VWA8: variants seen among roughly 807,000 people sequenced by gnomAD.
VWA8 encodes the protein von Willebrand factor A domain-containing protein 8.
Under a neutral mutation model 241.5 loss-of-function variants are expected in VWA8, and 221 were observed. The observed-to-expected ratio is 0.91, with a 90% CI of 0.82 to 1.02. VWA8 has a LOEUF of 1.02. Among genes scored for constraint, VWA8 ranks in the 50% least tolerant of loss-of-function variants. VWA8 has a pLI of 0.00. For synonymous variants in VWA8, 852 were observed against 827.1 expected (o/e 1.03, Z -0.52); for missense variants, 2,322 against 2,328.7 (o/e 1.00, Z 0.06).
At chr13:41,721,629 A>C in intron 24 of VWA8, 54 bp from the exon 25 acceptor site, 4 of 1,535,024 alleles carry the variant, frequency 2.6e-6, no homozygotes, top group Non-Finnish European at 3.5e-6. Context: ...TTACGATGTC[A>C]CAGGAAAAAA....
intron 4 of VWA8, among the ~76,000 whole-genome samples, chr13:41,899,842 T>C (rs753022232): frequency 6.6e-6 from 1 of 152,196 alleles, no homozygotes; most frequent in Admixed American, 6.5e-5. Flanking sequence ...TTCTGCCCAA[T>C]AGAGGCCCAA....
chr13:41,690,744 T>G (rs1195267320), intron 32 of VWA8, among the ~76,000 whole-genome samples: 6 of 152,172 alleles, frequency 3.9e-5, no homozygotes, highest in African/African-American at 1.4e-4. Flanking sequence ...GAGATACTTC[T>G]GCTTGTCAGC....
intron 9 of VWA8, among the ~76,000 whole-genome samples, chr13:41,882,428 G>C (rs1288984338): frequency 6.6e-6 from 1 of 152,108 alleles, no homozygotes; most frequent in South Asian, 2.1e-4. Flanking sequence ...CTGCAATCTC[G>C]GCACTTTGGG....
At chr13:41,949,610 G>A (rs1177637574) in intron 2 of VWA8, among the ~76,000 whole-genome samples, 1 of 151,546 alleles carries the variant, frequency 6.6e-6, no homozygotes, top group Non-Finnish European at 1.5e-5. Context: ...TGTGTCCCAG[G>A]GCTTAAAGTA....
At chr13:41,631,994 CT>C (rs1450173876) in intron 37 of VWA8, among the ~76,000 whole-genome samples, 3 of 152,156 alleles carry the variant, frequency 2.0e-5, no homozygotes, top group African/African-American at 4.8e-5. Context: ...TCTACCCTTT[CT>C]ATTTTTGCCT....
chr13:41,642,023 A>C (rs926721350), intron 37 of VWA8, among the ~76,000 whole-genome samples: 10 of 152,210 alleles, frequency 6.6e-5, no homozygotes, highest in South Asian at 4.1e-4. Flanking sequence ...TTGTCTCAGC[A>C]TAATTATTAA....
At chr13:41,590,573 G>T in intron 41 of VWA8, 67 bp downstream of exon 41, 3 of 1,448,144 alleles carry the variant, frequency 2.1e-6, no homozygotes, top group South Asian at 3.0e-5. Flanking sequence ...CACAACTCAC[G>T]AAAGCAAGTT....
At chr13:41,769,905 A>C (rs978411503) in intron 20 of VWA8, among the ~76,000 whole-genome samples, 5 of 152,226 alleles carry the variant, frequency 3.3e-5, no homozygotes, top group African/African-American at 1.2e-4. Context: ...TATGGATGAA[A>C]TCAAACACGG....
At chr13:41,601,091 G>A (rs900368616) in intron 40 of VWA8, among the ~76,000 whole-genome samples, 11 of 152,208 alleles carry the variant, frequency 7.2e-5, no homozygotes, top group South Asian at 6.2e-4. Context: ...CTTCTGGGGC[G>A]TTGTTTCCAC....
intron 21 of VWA8, among the ~76,000 whole-genome samples, chr13:41,737,680 A>G (rs574299736): frequency 6.6e-6 from 1 of 152,342 alleles, no homozygotes; most frequent in African/African-American, 2.4e-5. Context: ...CTATTTCAAA[A>G]TTGCTAAGTA....
chr13:41,662,231 A>G (rs1438239763), intron 37 of VWA8, among the ~76,000 whole-genome samples: 1 of 152,124 alleles, frequency 6.6e-6, no homozygotes, highest in Admixed American at 6.5e-5. Flanking sequence ...ATTTGGAGAG[A>G]ACTGACATCA....
Position 41,616,275 on chromosome 13 carries a change from G to A in VWA8, c.4612-1191C>T, listed in dbSNP as rs961670168. On this transcript the variant is annotated intron_variant, in intron 37 of 44. Transcript: ENST00000379310. ...ACGTCCAAGTTGGTTCATTTCAAGT[G>A]TTATGACATCGTAGGGATTTTAATT... Among the ~76,000 whole-genome samples the A allele has an allele frequency of 3.9e-5, 6 of 152,158 alleles. No individual in the cohort carries two copies. The East Asian group carries it at 1.2e-3, about 29-fold the overall frequency.
intron 44 of VWA8, 44 bp downstream of exon 44, chr13:41,570,424 T>A (rs2044292471): frequency 1.9e-6 from 3 of 1,545,562 alleles, no homozygotes; most frequent in Non-Finnish European, 2.7e-6. Context: ...AGCTACTCAG[T>A]ATCTCTGTAC....
At position 41,916,040 on chromosome 13, in the gene VWA8, T is replaced by C. The variant is rs112795295; in HGVS notation, c.242-3872A>G. ...ATTGGCTGGGTTCAAATTCCAACTC[T>C]ACTATTTACTAGCTATGTAACCTTA... On this transcript the variant is annotated intron_variant, in intron 2 of 44. Transcript: ENST00000379310. Among the ~76,000 whole-genome samples the C allele has an allele frequency of 1.7e-3, 256 of 152,330 alleles. 2 individuals are homozygous for C. Among genetic ancestry groups the C allele is most frequent in the African/African-American group, 5.7e-3 (236 of 41,578 alleles).
intron 2 of VWA8, among the ~76,000 whole-genome samples, chr13:41,934,054 T>C (rs1337828751): frequency 6.6e-6 from 1 of 150,734 alleles, no homozygotes; most frequent in African/African-American, 2.4e-5. Context: ...TAGAATAACA[T>C]ATTTGCAAAT....
At chr13:41,867,583 A>G (rs1873370983) in intron 10 of VWA8, among the ~76,000 whole-genome samples, 1 of 152,246 alleles carries the variant, frequency 6.6e-6, no homozygotes, top group African/African-American at 2.4e-5. Flanking sequence ...TAATATATGC[A>G]GAGACAAATA....
intron 12 of VWA8, among the ~76,000 whole-genome samples, chr13:41,850,049 T>A (rs1429803650): frequency 6.6e-6 from 1 of 152,208 alleles, no homozygotes; most frequent in Admixed American, 6.5e-5. Flanking sequence ...TTCTTCCCTC[T>A]TCAACTTCAC....
chr13:41,584,895 G>A (rs1000981483), intron 42 of VWA8, among the ~76,000 whole-genome samples: 2 of 152,184 alleles, frequency 1.3e-5, no homozygotes, highest in Non-Finnish European at 2.9e-5. Flanking sequence ...TGAAGAAGCA[G>A]CTCTGCTCAC....
intron 12 of VWA8, among the ~76,000 whole-genome samples, chr13:41,849,382 T>G (rs775799504): frequency 3.3e-5 from 5 of 152,196 alleles, no homozygotes; most frequent in Non-Finnish European, 7.4e-5. Context: ...AGTTATACCC[T>G]TCATTATTTT....
Sources: gnomAD v4.1 joint callset for allele counts (sites outside exome capture counted in the v4.1 genomes callset) on GRCh38, gnomAD v4.1.1 for gene constraint, MANE v1.5 for transcripts, NCBI Gene and HGNC (gene_info 2026-07-23, HGNC 2026-07-21) for gene names.